Variants in DSCAM observed in about 807,000 individuals in gnomAD.
The protein encoded by DSCAM is DS cell adhesion molecule.
Under a neutral mutation model 217.7 loss-of-function variants are expected in DSCAM, and 47 were observed. The ratio of observed to expected loss-of-function variants is 0.22; its 90% confidence interval spans 0.17 to 0.28. The LOEUF is 0.28. Ranked by LOEUF, DSCAM falls within the 10% of genes least tolerant of loss-of-function variation. DSCAM has a pLI of 1.00. For synonymous variants in DSCAM, 1,056 were observed against 1,015.3 expected (o/e 1.04, Z -0.76); for missense variants, 2,080 against 2,618.3 (o/e 0.79, Z 4.49).
chr21:40,204,616 A>C (rs1248192178), intron 11 of DSCAM, among the ~76,000 whole-genome samples: 1 of 152,194 alleles, frequency 6.6e-6, no homozygotes, highest in Non-Finnish European at 1.5e-5. Context: ...AATAACACCA[A>C]TGGTTTTGCA....
intron 2 of DSCAM, among the ~76,000 whole-genome samples, chr21:40,707,344 A>T (rs2090728898): frequency 6.6e-6 from 1 of 152,256 alleles, no homozygotes; most frequent in South Asian, 2.1e-4. Flanking sequence ...AAATTTTCAT[A>T]TATCTTGATT....
intron 1 of DSCAM, among the ~76,000 whole-genome samples, chr21:40,784,034 T>G (rs1285867883): frequency 6.8e-6 from 1 of 147,818 alleles, no homozygotes; most frequent in African/African-American, 2.4e-5. Flanking sequence ...AAATAACTCA[T>G]CTTTTATTAT....
chr21:40,593,451 G>A (rs980016521), intron 3 of DSCAM, among the ~76,000 whole-genome samples: 3 of 151,866 alleles, frequency 2.0e-5, no homozygotes, highest in East Asian at 3.9e-4. Context: ...TCAGCCTCTC[G>A]AGTAGCTGGG....
chr21:40,510,502 G>A (rs79153751), intron 3 of DSCAM, among the ~76,000 whole-genome samples: 2,130 of 152,272 alleles, frequency 0.014, 41 homozygotes, highest in Admixed American at 0.036. Context: ...CAAACGTGAC[G>A]ATTGACAAAG....
chr21:40,360,863 T>C (rs531354726), intron 4 of DSCAM, among the ~76,000 whole-genome samples: 144 of 152,014 alleles, frequency 9.5e-4, no homozygotes, highest in Non-Finnish European at 1.7e-3. Flanking sequence ...ATGGTAGCTC[T>C]ATTTTAAGTT....
intron 3 of DSCAM, among the ~76,000 whole-genome samples, chr21:40,638,458 A>G (rs2142125): frequency 0.16 from 24,792 of 152,140 alleles, 2,209 homozygotes; most frequent in Admixed American, 0.24. Flanking sequence ...GCAAATTAGA[A>G]TTCAAGCTGG....
At chr21:40,537,497 A>T (rs1241702282) in intron 3 of DSCAM, among the ~76,000 whole-genome samples, 1 of 151,440 alleles carries the variant, frequency 6.6e-6, no homozygotes, top group Non-Finnish European at 1.5e-5. Flanking sequence ...CCCCACCCCC[A>T]CCAAAAAACT....
chr21:40,693,004 C>T, intron 2 of DSCAM, 48 bp from the exon 3 acceptor site: 1 of 1,577,316 alleles, frequency 6.3e-7, no homozygotes. Flanking sequence ...TCAACAGGCT[C>T]ATTCTGAGAG....
chr21:40,312,565 C>T (rs1203558763), intron 8 of DSCAM, among the ~76,000 whole-genome samples: 1 of 152,144 alleles, frequency 6.6e-6, no homozygotes, highest in African/African-American at 2.4e-5. Context: ...ATTTGTACTT[C>T]AGCAAGTTAA....
intron 11 of DSCAM, among the ~76,000 whole-genome samples, chr21:40,235,113 A>G (rs2091414833): frequency 6.6e-6 from 1 of 152,208 alleles, no homozygotes; most frequent in Non-Finnish European, 1.5e-5. Flanking sequence ...AAAAATTAGC[A>G]GAGCAAATGT....
chr21:40,144,820 A>G lies in DSCAM; in HGVS notation c.3019-89T>C. On this transcript the variant is annotated intron_variant, in intron 16 of 32. Coordinates refer to ENST00000400454, the MANE Select transcript of DSCAM (RefSeq NM_001389.5). The surrounding 1 kb of genome is among the most constrained non-coding windows in gnomAD (Gnocchi z 4.8). ...CCCACACCCACGTAGGAAAGCAGAA[A>G]TAAAGTGGAGTCATCGCCACGATGC... The G allele has an allele frequency of 6.4e-7, 1 of 1,566,728 alleles. No individual in the cohort carries two copies. The highest frequency in any genetic ancestry group is 2.3e-5 in the East Asian group (1 of 44,072).
chr21:40,299,260 GA>G (rs1378892587), intron 9 of DSCAM, among the ~76,000 whole-genome samples: 1 of 152,162 alleles, frequency 6.6e-6, no homozygotes, highest in Non-Finnish European at 1.5e-5. Flanking sequence ...CTAAGTGCAT[GA>G]ATAAGCCAAA....
intron 3 of DSCAM, among the ~76,000 whole-genome samples, chr21:40,645,272 T>G (rs2089932327): frequency 6.6e-6 from 1 of 152,350 alleles, no homozygotes; most frequent in East Asian, 1.9e-4. Context: ...TCTTACAGTT[T>G]TGATGATTGA....
chr21:40,770,606 G>C (rs1262892848), intron 1 of DSCAM, among the ~76,000 whole-genome samples: 1 of 152,204 alleles, frequency 6.6e-6, no homozygotes, highest in African/African-American at 2.4e-5. Flanking sequence ...TGTAGAAAAA[G>C]AAACTACAGC....
chr21:40,070,337 T>G (rs1293294992), intron 27 of DSCAM, among the ~76,000 whole-genome samples: 134 of 61,792 alleles, frequency 2.2e-3, no homozygotes, highest in African/African-American at 2.7e-3. Context: ...AGAAGGAAGG[T>G]AGGGAAGGAG....
chr21:40,640,288 C>T (rs552383910), intron 3 of DSCAM, among the ~76,000 whole-genome samples: 13 of 151,082 alleles, frequency 8.6e-5, no homozygotes, highest in African/African-American at 2.9e-4. Flanking sequence ...CTGACTTTCT[C>T]CCCAGCGGAG....
intron 19 of DSCAM, among the ~76,000 whole-genome samples, chr21:40,127,398 C>T (rs999949173): frequency 8.5e-5 from 13 of 152,166 alleles, no homozygotes; most frequent in Non-Finnish European, 1.8e-4. Context: ...TCTTAGTGAC[C>T]ACATTCCATT....
intron 8 of DSCAM, among the ~76,000 whole-genome samples, chr21:40,329,612 C>CTAAATAAATAAA (rs141438568): frequency 8.9e-5 from 12 of 135,172 alleles, no homozygotes; most frequent in African/African-American, 1.4e-4. Flanking sequence ...GACTCCGTCT[C>CTAAATAAATAAA]TAAATAAATA....
chr21:40,273,157 A>G (rs996354218), intron 11 of DSCAM, among the ~76,000 whole-genome samples: 4 of 152,188 alleles, frequency 2.6e-5, no homozygotes, highest in African/African-American at 9.7e-5. Flanking sequence ...CAACCAAAGA[A>G]TCATTTACTC....
Sources: allele counts gnomAD v4.1 joint callset (sites outside exome capture counted in the v4.1 genomes callset), GRCh38; gene constraint gnomAD v4.1.1; non-coding constraint Gnocchi (gnomAD v3.1); transcripts MANE v1.5; gene names NCBI Gene and HGNC (gene_info 2026-07-23, HGNC 2026-07-21).